The following KCNN2 variants were observed in gnomAD, a reference collection of about 807,000 sequenced individuals.
KCNN2 encodes potassium calcium-activated channel subfamily N member 2.
KCNN2 carries 24 observed loss-of-function variants against 55.5 expected under a neutral mutation model. The ratio of observed to expected loss-of-function variants is 0.43; its 90% confidence interval spans 0.31 to 0.61. KCNN2 has a LOEUF of 0.61. Ranked by LOEUF, KCNN2 falls within the 20% of genes least tolerant of loss-of-function variation. The pLI is 0.08. For synonymous variants in KCNN2, 431 were observed against 336.1 expected, an observed-to-expected ratio of 1.28 and a Z score of -3.09; for missense variants, 754 against 853.6, an observed-to-expected ratio of 0.88 and a Z score of 1.45.
intron 1 of KCNN2, among the ~76,000 whole-genome samples, chr5:114,085,075 T>G (rs1317522769): frequency 1.1e-4 from 17 of 151,828 alleles, no homozygotes; most frequent in Admixed American, 1.1e-3. Flanking sequence ...TATATGTGTG[T>G]GTCTATTCTT....
At chr5:114,353,211 C>A (rs924030475) in intron 2 of KCNN2, among the ~76,000 whole-genome samples, 4 of 151,470 alleles carry the variant, frequency 2.6e-5, no homozygotes, top group Non-Finnish European at 5.9e-5. Flanking sequence ...CACTCCAATA[C>A]TTATATGGTT....
intron 3 of KCNN2, among the ~76,000 whole-genome samples, chr5:114,451,203 G>A (rs1333024939): frequency 1.3e-5 from 2 of 152,168 alleles, no homozygotes; most frequent in African/African-American, 2.4e-5. Context: ...AGGGAAACAC[G>A]ATAAATGTAA....
intron 1 of KCNN2, among the ~76,000 whole-genome samples, chr5:114,134,894 A>G (rs1416468078): frequency 2.0e-5 from 3 of 152,224 alleles, no homozygotes; most frequent in Non-Finnish European, 4.4e-5. Flanking sequence ...CTCTATTCCA[A>G]AATAATAGGA....
intron 3 of KCNN2, among the ~76,000 whole-genome samples, chr5:114,442,494 C>T (rs1319575512): frequency 6.6e-6 from 1 of 152,124 alleles, no homozygotes; most frequent in Non-Finnish European, 1.5e-5. Context: ...CTTCACCAGG[C>T]TGAACCTCAG....
chr5:114,099,931 T>C (rs1202150732), intron 1 of KCNN2, among the ~76,000 whole-genome samples: 1 of 151,956 alleles, frequency 6.6e-6, no homozygotes, highest in African/African-American at 2.4e-5. Context: ...AAGTAAGTCT[T>C]TTGTACTTTT....
At chr5:114,073,764 G>A (rs1039432609) in intron 1 of KCNN2, among the ~76,000 whole-genome samples, 11 of 152,152 alleles carry the variant, frequency 7.2e-5, no homozygotes, top group South Asian at 2.1e-4. Context: ...CACAGCAGAT[G>A]TTCAATAATT....
At chr5:114,395,386 A>G (rs1341005080) in intron 2 of KCNN2, among the ~76,000 whole-genome samples, 9 of 152,222 alleles carry the variant, frequency 5.9e-5, no homozygotes, top group African/African-American at 2.2e-4. Context: ...CCTACAAGTT[A>G]CTTTAGACCT....
At chr5:114,476,355 TTCTTGAGACTGGAGTC>T (rs1392437643) in intron 5 of KCNN2, among the ~76,000 whole-genome samples, 26 of 152,114 alleles carry the variant, frequency 1.7e-4, no homozygotes, top group East Asian at 3.9e-4. Flanking sequence ...TTTGCAGTAT[TTCTTGAGACTGGAGTC>T]TCTTGAGACC....
chr5:114,092,419 G>A (rs770782029), intron 1 of KCNN2, among the ~76,000 whole-genome samples: 4 of 152,190 alleles, frequency 2.6e-5, no homozygotes, highest in Non-Finnish European at 5.9e-5. Flanking sequence ...CCAGGCTGTT[G>A]TTGATTTTCT....
chr5:114,250,772 T>A (rs1212167039), intron 2 of KCNN2, among the ~76,000 whole-genome samples: 2 of 152,200 alleles, frequency 1.3e-5, no homozygotes, highest in Non-Finnish European at 2.9e-5. Context: ...CACATTGGTC[T>A]CACTGAGTTG....
intron 2 of KCNN2, among the ~76,000 whole-genome samples, chr5:114,257,385 T>C (rs1755005641): frequency 6.6e-6 from 1 of 152,120 alleles, no homozygotes; most frequent in African/African-American, 2.4e-5. Context: ...TTTTTTATTC[T>C]GTGAAAAATG....
Position 114,356,491 on chromosome 5 carries a change from C to T in KCNN2, c.-184-4454C>T, listed in dbSNP as rs531000850. Among the ~76,000 whole-genome samples, 34 of 152,122 alleles carry T rather than the reference C, an allele frequency of 2.2e-4. 1 individual carries two copies. Among genetic ancestry groups the T allele is most frequent in the Non-Finnish European group, 4.6e-4 (31 of 67,996 alleles). On this transcript the variant is annotated intron_variant, in intron 2 of 10. Coordinates refer to the KCNN2 transcript ENST00000512097. ...ACCCATTTAATTAACACAAGTTCTA[C>T]TAGCAAACTCAGTATGAGTTTTACT...
At chr5:114,418,702 A>G (rs1173163583) in intron 3 of KCNN2, among the ~76,000 whole-genome samples, 1 of 152,140 alleles carries the variant, frequency 6.6e-6, no homozygotes, top group Non-Finnish European at 1.5e-5. Flanking sequence ...CTTTCCTTTC[A>G]TGAAACTGTC....
Position 114,363,270 on chromosome 5 carries a change from T to C in KCNN2, c.1122+9T>C, listed in dbSNP as rs1219854947. 1.3e-6 allele frequency: 2 copies of C among 1,588,076 alleles called. No homozygotes were observed. The highest frequency in any genetic ancestry group is 3.5e-5 in the Admixed American group (2 of 57,310). On this transcript the variant is annotated intron_variant, in intron 1 of 7. Transcript: ENST00000673685. Reference sequence around the variant, plus strand: ...GGGGCGCCTACGACAAGGTACAGGCTTGAACCCCAGCCCACGCTACCGGAG... The same window carrying C: ...GGGGCGCCTACGACAAGGTACAGGCCTGAACCCCAGCCCACGCTACCGGAG...
In KCNN2 at chr5:114,087,177, C is replaced by A. The variant is rs145421846; in HGVS notation, c.-271+30677C>A. Among the ~76,000 whole-genome samples, 376 of 152,124 alleles carry A rather than the reference C, an allele frequency of 2.5e-3. 6 individuals carry two copies. The highest frequency in any genetic ancestry group is 8.7e-3 in the African/African-American group (363 of 41,506). On this transcript the variant is annotated intron_variant, in intron 1 of 10. Coordinates refer to the KCNN2 transcript ENST00000512097. ...TTCCTTGTAGATTCTGGATATTAGA[C>A]CTTTGTTGGATGCATAGCTCATGAC...
intron 1 of KCNN2, among the ~76,000 whole-genome samples, chr5:114,119,402 CTTTT>C (rs1245352935): frequency 6.6e-6 from 1 of 152,140 alleles, no homozygotes; most frequent in African/African-American, 2.4e-5. Flanking sequence ...AGATACGAAG[CTTTT>C]TTGTGCTTTA....
intron 3 of KCNN2, among the ~76,000 whole-genome samples, chr5:114,428,680 C>T (rs986946840): frequency 1.3e-5 from 2 of 151,676 alleles, no homozygotes; most frequent in Non-Finnish European, 2.9e-5. Flanking sequence ...TGAATATATC[C>T]ACTGCCCTAA....
At chr5:114,466,165 A>G (rs138399286) in intron 4 of KCNN2, among the ~76,000 whole-genome samples, 3,424 of 152,152 alleles carry the variant, frequency 0.023, 51 homozygotes, top group Middle Eastern at 0.044. Context: ...AAAGAAAACC[A>G]CTCACTACCC....
intron 1 of KCNN2, among the ~76,000 whole-genome samples, chr5:114,090,505 A>C (rs1205002912): frequency 6.6e-6 from 1 of 151,030 alleles, no homozygotes; most frequent in Admixed American, 6.6e-5. Context: ...AACCATTACT[A>C]TCTGTTTCTC....
Sources: gnomAD v4.1 joint callset for allele counts (sites outside exome capture counted in the v4.1 genomes callset) on GRCh38, gnomAD v4.1.1 for gene constraint, MANE v1.5 for transcripts, NCBI Gene and HGNC (gene_info 2026-07-23, HGNC 2026-07-21) for gene names.